Variants in SUGCT observed in about 807,000 individuals in gnomAD.
SUGCT encodes the protein succinyl-CoA:glutarate CoA-transferase.
SUGCT carries 41 observed loss-of-function variants against 55.0 expected under a neutral mutation model. That is an observed-to-expected ratio of 0.74 (90% CI 0.58 to 0.97). The LOEUF is 0.97. Among genes scored for constraint, SUGCT ranks in the 50% least tolerant of loss-of-function variants. The pLI is 0.00. For missense variants in SUGCT, 568 were observed against 547.8 expected (o/e 1.04, Z -0.37); for synonymous variants, 187 against 200.4 (o/e 0.93, Z 0.56).
intron 9 of SUGCT, among the ~76,000 whole-genome samples, chr7:40,422,704 T>C (rs926216141): frequency 6.6e-6 from 1 of 152,108 alleles, no homozygotes; most frequent in African/African-American, 2.4e-5. Flanking sequence ...TGGGTAGATT[T>C]GTTAATTTAT....
At chr7:40,501,404 A>AT (rs2151530213) in intron 12 of SUGCT, among the ~76,000 whole-genome samples, 1 of 152,276 alleles carries the variant, frequency 6.6e-6, no homozygotes, top group African/African-American at 2.4e-5. Context: ...AGTTGAGAAA[A>AT]TTATCGTATT....
At chr7:40,848,610 A>C (rs2128797171) in intron 13 of SUGCT, among the ~76,000 whole-genome samples, 1 of 152,140 alleles carries the variant, frequency 6.6e-6, no homozygotes. Context: ...GGCCCTCCTT[A>C]TTAAGTTAAA....
intron 13 of SUGCT, among the ~76,000 whole-genome samples, chr7:40,810,206 G>C (rs147348662): frequency 6.6e-6 from 1 of 151,666 alleles, no homozygotes; most frequent in Non-Finnish European, 1.5e-5. Flanking sequence ...GCTCACTGTA[G>C]CCTCAACCTC....
chr7:40,914,279 T>TTTTTC, the SUGCT span, among the ~76,000 whole-genome samples: 2,016 of 109,832 alleles, frequency 0.018, 39 homozygotes, highest in African/African-American at 0.077. Flanking sequence ...TTTCTTTTTC[T>TTTTTC]TTTTTTTTTT....
chr7:40,985,521 T>C, the SUGCT span, among the ~76,000 whole-genome samples: 15 of 152,218 alleles, frequency 9.9e-5, no homozygotes, highest in African/African-American at 3.6e-4. Flanking sequence ...AAGTTAAATT[T>C]GAGTGCAGTG....
chr7:40,319,417 T>G (rs1247389364), intron 9 of SUGCT, among the ~76,000 whole-genome samples: 1 of 152,148 alleles, frequency 6.6e-6, no homozygotes, highest in Admixed American at 6.5e-5. Flanking sequence ...CCAGGATAAT[T>G]ATAATTTAGT....
chr7:40,985,480 G>A, the SUGCT span, among the ~76,000 whole-genome samples: 18 of 152,136 alleles, frequency 1.2e-4, no homozygotes, highest in Admixed American at 6.6e-4. Context: ...AGGTGTTGGG[G>A]AGTAAATGTG....
At chr7:40,908,224 A>T in the SUGCT span, among the ~76,000 whole-genome samples, 1 of 151,862 alleles carries the variant, frequency 6.6e-6, no homozygotes, top group Non-Finnish European at 1.5e-5. Flanking sequence ...TAAAAAAAAA[A>T]TACAAAAAAT....
At chr7:40,973,389 T>G in the SUGCT span, among the ~76,000 whole-genome samples, 7 of 152,236 alleles carry the variant, frequency 4.6e-5, no homozygotes, top group Non-Finnish European at 7.3e-5. Context: ...CAATTCTTAC[T>G]TTTTTACTAC....
chr7:40,686,979 G>A (rs1272563838), intron 12 of SUGCT, among the ~76,000 whole-genome samples: 4 of 152,058 alleles, frequency 2.6e-5, no homozygotes, highest in Non-Finnish European at 5.9e-5. Flanking sequence ...GGTTACTCCA[G>A]TCCCAGGATT....
chr7:40,170,809 C>T lies in SUGCT; in HGVS notation c.101-10138C>T, dbSNP rs540889358. ...CCAGGGTGCATAACCACCCATGGAC[C>T]TCTGCTTATCGGAATAGTTAACGCT... On this transcript the variant is annotated intron_variant, in intron 1 of 13. Transcript: ENST00000335693. 1.6e-4 allele frequency among the ~76,000 whole-genome samples: 25 copies of T among 152,204 alleles called. No homozygotes were observed. The South Asian group carries it at 5.0e-3, about 30-fold the overall frequency.
At chr7:40,517,899 G>A (rs1046618660) in intron 12 of SUGCT, among the ~76,000 whole-genome samples, 1 of 152,066 alleles carries the variant, frequency 6.6e-6, no homozygotes, top group Non-Finnish European at 1.5e-5. Context: ...GCCACAAAAG[G>A]ATGCATATTA....
chr7:40,271,740 A>G (rs1014033921), intron 7 of SUGCT, among the ~76,000 whole-genome samples: 3 of 152,030 alleles, frequency 2.0e-5, no homozygotes, highest in Admixed American at 6.6e-5. Context: ...GATGTTAGCT[A>G]TAGTCACCGT....
In SUGCT at chr7:40,204,024, A is replaced by C. The variant is rs181933387; in HGVS notation, c.484+8964A>C. Among the ~76,000 whole-genome samples, 367 of 151,944 alleles carry C rather than the reference A, an allele frequency of 2.4e-3. 1 individual carries two copies. Among genetic ancestry groups the C allele is most frequent in the Non-Finnish European group, 3.9e-3 (268 of 67,948 alleles). On this transcript the variant is annotated intron_variant, in intron 6 of 13. Transcript: ENST00000335693. ...TTTTTTTTGAGACAAAGTCTCACTT[A>C]GTCACCTAGGCTGGAGTGCAGTGGC...
chr7:40,288,170 G>C (rs1334480248), intron 8 of SUGCT, among the ~76,000 whole-genome samples: 1 of 152,070 alleles, frequency 6.6e-6, no homozygotes, highest in Non-Finnish European at 1.5e-5. Flanking sequence ...TGGTGTCTGA[G>C]TAACATTTGC....
the SUGCT span, among the ~76,000 whole-genome samples, chr7:40,893,898 TA>T: frequency 2.0e-5 from 3 of 151,850 alleles, no homozygotes; most frequent in Admixed American, 2.0e-4. Flanking sequence ...CCATCTCTGC[TA>T]AAAATACAAA....
intron 9 of SUGCT, among the ~76,000 whole-genome samples, chr7:40,375,092 C>A (rs1395950460): frequency 6.6e-6 from 1 of 152,090 alleles, no homozygotes; most frequent in East Asian, 1.9e-4. Context: ...TGTGGGAAAC[C>A]ATTAGTACAG....
chr7:40,282,674 A>G (rs1246613243), intron 8 of SUGCT, among the ~76,000 whole-genome samples: 1 of 152,008 alleles, frequency 6.6e-6, no homozygotes, highest in Non-Finnish European at 1.5e-5. Context: ...GTTTGGGACC[A>G]GCATGGCCAC....
At chr7:41,022,055 G>T in the SUGCT span, among the ~76,000 whole-genome samples, 2 of 152,008 alleles carry the variant, frequency 1.3e-5, no homozygotes, top group African/African-American at 2.4e-5. Context: ...TAATGGCAGA[G>T]AATTTTTTGG....
Sources: allele counts gnomAD v4.1 joint callset (sites outside exome capture counted in the v4.1 genomes callset), GRCh38; gene constraint gnomAD v4.1.1; transcripts MANE v1.5; gene names NCBI Gene and HGNC (gene_info 2026-07-23, HGNC 2026-07-21).